The following MRPL34 variants were observed in gnomAD, a reference collection of about 807,000 sequenced individuals.
MRPL34 encodes the protein large ribosomal subunit protein bL34m.
Under a neutral mutation model 6.7 loss-of-function variants are expected in MRPL34, and 8 were observed. The ratio of observed to expected loss-of-function variants is 1.20; its 90% CI spans 0.70 to 2.16. The LOEUF (loss-of-function observed/expected upper bound fraction) is 2.16, where lower values mean the gene tolerates loss of function less well. Among genes scored for constraint, MRPL34 ranks in the 30% most tolerant of loss-of-function variants. The pLI is 0.00. For synonymous variants in MRPL34, 59 were observed against 55.1 expected (o/e 1.07, Z -0.31); for missense variants, 146 against 125.5 (o/e 1.16, Z -0.78).
At chr19:17,300,571 C>T (rs1318864361), upstream of MRPL34, among the ~76,000 whole-genome samples, 1 of 152,046 alleles carries the variant, frequency 6.6e-6, no homozygotes, top group African/African-American at 2.4e-5. Context: ...TCCACCTCCT[C>T]GGTTCAAGTG....
Position 17,306,287 on chromosome 19 carries a change from A to T in MRPL34, c.187A>T (p.Lys63Ter), listed in dbSNP as rs762137007. The T allele has an allele frequency of 6.2e-7, 1 of 1,609,954 alleles. No individual in the cohort carries two copies. The highest frequency in any genetic ancestry group is 8.5e-7 in the Non-Finnish European group (1 of 1,178,926). Residue 63 changes from lysine (K) to a stop codon, truncating the protein, a stop_gained, in exon 2 of 2, where the codon AAG becomes TAG. Coordinates refer to ENST00000252602, the MANE Select transcript of MRPL34 (RefSeq NM_023937.4). LOFTEE classifies it high-confidence loss of function. ...YQPSNIKRKN[K>*]HGWVRRLSTP... ...GCCGAGCAACATCAAACGCAAGAAC[A>T]AGCACGGCTGGGTCCGGCGCCTGAG...
upstream of MRPL34, among the ~76,000 whole-genome samples, chr19:17,305,240 CCTT>C (rs2074140033): frequency 8.9e-6 from 1 of 112,014 alleles, no homozygotes; most frequent in Admixed American, 8.8e-5. Flanking sequence ...AATTTTTCTT[CCTT>C]TTTTTTTTTT....
chr19:17,305,011 G>A (rs2074138956), upstream of MRPL34, among the ~76,000 whole-genome samples: 1 of 150,760 alleles, frequency 6.6e-6, no homozygotes, highest in African/African-American at 2.4e-5. Context: ...TGGAATTACA[G>A]GCATGAGCCA....
rs761261189 is a variant in MRPL34 at position 17,294,842 on chromosome 19, G to C, written c.214+1988G>C. 17 of 1,613,574 alleles carry C rather than the reference G, an allele frequency of 1.1e-5. No homozygotes were observed. The South Asian group carries it at 1.9e-4, about 18-fold the overall frequency. ...CATGTGCCAGGAATGTGCAGAAAGA[G>C]ACACTGCCCGGAACGGGTGGGGTGA... On this transcript the variant is annotated intron_variant, in intron 1 of 2. Transcript: ENST00000595444.
chr19:17,305,158 G>T (rs1568350066), upstream of MRPL34, among the ~76,000 whole-genome samples: 1 of 151,970 alleles, frequency 6.6e-6, no homozygotes, highest in Non-Finnish European at 1.5e-5. Flanking sequence ...GGCTGAGCAG[G>T]TTTTACCTGG....
intron 1 of MRPL34, chr19:17,294,754 G>A (rs1229806152): frequency 1.2e-6 from 2 of 1,614,168 alleles, no homozygotes; most frequent in Non-Finnish European, 1.7e-6. Flanking sequence ...CAGAAGCTGG[G>A]CTCCAGCGCC....
rs1209716033 is a variant in MRPL34, at chr19:17,294,996, T to C, written c.214+2142T>C. The stretch of plus-strand genomic sequence containing the variant: ...TGGAATGCAGTGGCTCCATCTTGGC[T>C]CACTGCAACCTCTGCCTCCCAGGTT... On this transcript the variant is annotated intron_variant, in intron 1 of 2. Coordinates refer to the MRPL34 transcript ENST00000595444. The C allele has an allele frequency of 8.7e-6, 8 of 919,826 alleles. No individual in the cohort carries two copies. The African/African-American group carries it at 1.3e-4, about 15-fold the overall frequency. The allele number at this position is 919,826 out of a possible 1,614,324, so 57.0% of individuals were successfully genotyped here. A position where few individuals can be genotyped will look rare whatever the true frequency, so the allele number is the denominator to read the frequency against.
At chr19:17,304,305 A>C (rs1166732236), upstream of MRPL34, among the ~76,000 whole-genome samples, 1 of 152,138 alleles carries the variant, frequency 6.6e-6, no homozygotes, top group Non-Finnish European at 1.5e-5. Flanking sequence ...CCCTTTGCTG[A>C]TGTGTGACCT....
At chr19:17,303,309 G>C (rs917020400), upstream of MRPL34, 3 of 152,330 alleles carry the variant, frequency 2.0e-5, no homozygotes, top group Non-Finnish European at 4.4e-5. Flanking sequence ...GCGTCCGCCT[G>C]CTGGCGCCGT....
At chr19:17,301,889 G>A (rs1412430559), upstream of MRPL34, among the ~76,000 whole-genome samples, 2 of 152,064 alleles carry the variant, frequency 1.3e-5, no homozygotes, top group African/African-American at 2.4e-5. Flanking sequence ...CCCCTCCTGG[G>A]TTCAAGCGAT....
chr19:17,292,911 A>G (rs1289306541), intron 1 of MRPL34: 5 of 1,460,156 alleles, frequency 3.4e-6, no homozygotes, highest in Non-Finnish European at 2.8e-6. Flanking sequence ...TCCGCCATAC[A>G]CACATGGCCC....
intron 1 of MRPL34, 98 bp from the exon 2 acceptor site, chr19:17,306,068 C>G: frequency 6.5e-7 from 1 of 1,530,186 alleles, no homozygotes; most frequent in South Asian, 1.1e-5. Flanking sequence ...CATTTTGCAG[C>G]CAGGCTCTGT....
upstream of MRPL34, among the ~76,000 whole-genome samples, chr19:17,299,340 T>A (rs2074107193): frequency 6.6e-6 from 1 of 150,490 alleles, no homozygotes; most frequent in South Asian, 2.1e-4. Flanking sequence ...GGAGGGCGAA[T>A]CACGAGGTCA....
At chr19:17,294,958 C>G (rs1388153059) in intron 1 of MRPL34, 2 of 1,323,396 alleles carry the variant, frequency 1.5e-6, no homozygotes, top group East Asian at 2.6e-5. Flanking sequence ...CAGTTTTACT[C>G]TGTCCCCCAG....
chr19:17,297,859 G>A (rs1319163330), intron 1 of MRPL34: 1 of 150,472 alleles, frequency 6.6e-6, no homozygotes, highest in Non-Finnish European at 1.5e-5. Context: ...GCTTCCCAAA[G>A]TGTTGGGATT....
At chr19:17,294,542 C>T in intron 1 of MRPL34, 1 of 1,612,542 alleles carries the variant, frequency 6.2e-7, no homozygotes, top group Non-Finnish European at 8.5e-7. Context: ...CCCCTTATGC[C>T]AGCCCGACTG....
At chr19:17,293,682 T>A (rs1434824126) in intron 1 of MRPL34, among the ~76,000 whole-genome samples, 1 of 58,954 alleles carries the variant, frequency 1.7e-5, no homozygotes, top group African/African-American at 6.6e-5. Flanking sequence ...TATACTTTAA[T>A]GGTTTTTGTT....
At position 17,306,168 on chromosome 19, in the gene MRPL34, G is replaced by A. The variant is rs1168758278; in HGVS notation, c.68G>A (p.Trp23Ter). 2.6e-6 allele frequency: 4 copies of A among 1,522,230 alleles called. No homozygotes were observed. Among genetic ancestry groups the A allele is most frequent in the Non-Finnish European group, 3.5e-6 (4 of 1,138,258 alleles). 94.3% of individuals were successfully genotyped at this position (1,522,230 alleles called of 1,614,324 possible). The change falls in exon 2 of 2, where the codon TGG becomes TAG. Residue 23 changes from tryptophan to a stop codon, truncating the protein, a stop_gained and splice_region_variant. Transcript: ENST00000252602. LOFTEE classifies it low-confidence loss of function (END_TRUNC). ...TCGCCGTCCCTCTACCCACGCAGGT[G>A]GCTCCAGCCCCGGGCCTGGCTGGGG... ...SRSAALLGGRWLQPRAWLGFP... is the reference protein window; with the variant it reads ...SRSAALLGGR
upstream of MRPL34, among the ~76,000 whole-genome samples, chr19:17,299,902 C>T (rs2074109914): frequency 7.3e-6 from 1 of 137,196 alleles, no homozygotes; most frequent in African/African-American, 2.8e-5. Context: ...GCGTGGTGGC[C>T]CCTTTTTTTT....
Sources: gnomAD v4.1 joint callset for allele counts (sites outside exome capture counted in the v4.1 genomes callset) on GRCh38, gnomAD v4.1.1 for gene constraint, MANE v1.5 for transcripts, NCBI Gene and HGNC (gene_info 2026-07-23, HGNC 2026-07-21) for gene names.